Variants in CBR4 observed in about 807,000 individuals in gnomAD.
CBR4 encodes carbonyl reductase 4, also known as 3-oxoacyl-[acyl-carrier-protein] reductase.
Under a neutral mutation model 21.0 loss-of-function variants are expected in CBR4, and 22 were observed. The observed-to-expected ratio is 1.05, with a 90% CI of 0.75 to 1.50. CBR4 has a LOEUF of 1.50. Among genes scored for constraint, CBR4 ranks in the 40% most tolerant of loss-of-function variants. The probability of loss-of-function intolerance (pLI) is 0.00; values close to 1 mark genes in which losing one functional copy is unlikely to be tolerated. For missense variants in CBR4, 302 were observed against 286.3 expected (o/e 1.05, Z -0.40); for synonymous variants, 100 against 104.4 (o/e 0.96, Z 0.26).
downstream of CBR4, among the ~76,000 whole-genome samples, chr4:168,982,916 G>C (rs1764583780): frequency 6.6e-6 from 1 of 152,098 alleles, no homozygotes; most frequent in Non-Finnish European, 1.5e-5. Context: ...CACAGCTAAA[G>C]TAGTGTCAAA....
chr4:168,974,334 CTT>C (rs1764305397), intron 2 of CBR4, among the ~76,000 whole-genome samples: 1 of 152,192 alleles, frequency 6.6e-6, no homozygotes, highest in Non-Finnish European at 1.5e-5. Context: ...CTTCACAGCT[CTT>C]GAGATTCTTT....
chr4:169,010,143 G>A lies in CBR4; in HGVS notation c.-54C>T. On this transcript the variant is annotated 5_prime_UTR_variant, in exon 1 of 5. Coordinates refer to ENST00000306193, the MANE Select transcript of CBR4 (RefSeq NM_032783.5). Reference sequence around the variant, plus strand: ...GGTAGGGAGTGGGAGCCCCTCTCCAGGTTCCCTCAGGCTTTTAAACAACCG... The same window carrying A: ...GGTAGGGAGTGGGAGCCCCTCTCCAAGTTCCCTCAGGCTTTTAAACAACCG... 6.9e-7 allele frequency: 1 copy of A among 1,448,858 alleles called. No homozygotes were observed. 89.8% of individuals were successfully genotyped at this position (1,448,858 alleles called of 1,614,324 possible).
At position 168,930,012 on chromosome 4, in the gene CBR4, C is replaced by T. The variant is rs1234295680; in HGVS notation, n.170-35247G>A. ...AATTTCCTTCAATTATGAATGTAGG[C>T]AACAAAACACAACAGTATAAAATAC... is the stretch of plus-strand genomic sequence containing the variant. On this transcript the variant is annotated intron_variant and non_coding_transcript_variant, in intron 2 of 3. Coordinates refer to the CBR4 transcript ENST00000509108. 1.3e-5 allele frequency among the ~76,000 whole-genome samples: 2 copies of T among 152,028 alleles called. 1 individual carries two copies. The highest frequency in any genetic ancestry group is 4.1e-4 in the South Asian group (2 of 4,824).
At chr4:168,924,768 G>C (rs553514717) in intron 2 of CBR4, among the ~76,000 whole-genome samples, 2 of 152,182 alleles carry the variant, frequency 1.3e-5, no homozygotes, top group Non-Finnish European at 2.9e-5. Flanking sequence ...AACTCTTGAC[G>C]TCTGTTCTTT....
At chr4:168,995,916 G>A (rs1415744999) in intron 4 of CBR4, among the ~76,000 whole-genome samples, 1 of 152,170 alleles carries the variant, frequency 6.6e-6, no homozygotes, top group Admixed American at 6.5e-5. Context: ...TATAGTCTAT[G>A]TCTATGTTAG....
At chr4:168,917,983 G>A (rs1760559123) in intron 2 of CBR4, among the ~76,000 whole-genome samples, 1 of 151,860 alleles carries the variant, frequency 6.6e-6, no homozygotes, top group Admixed American at 6.6e-5. Context: ...GGCGGATCAC[G>A]AGGTCAGGAG....
At chr4:169,007,123 G>A (rs763737189) in intron 2 of CBR4, among the ~76,000 whole-genome samples, 17 of 152,274 alleles carry the variant, frequency 1.1e-4, no homozygotes, top group Non-Finnish European at 2.1e-4. Flanking sequence ...CTCAGCTTGA[G>A]TGGCAAATAT....
At chr4:168,977,308 C>T (rs1764402799) in intron 2 of CBR4, among the ~76,000 whole-genome samples, 3 of 152,142 alleles carry the variant, frequency 2.0e-5, no homozygotes, top group Admixed American at 2.0e-4. Flanking sequence ...TCAAGAACTC[C>T]TTCCTTCAAG....
chr4:169,008,152 T>G (rs1166719305), intron 1 of CBR4, among the ~76,000 whole-genome samples: 1 of 152,182 alleles, frequency 6.6e-6, no homozygotes, highest in Non-Finnish European at 1.5e-5. Context: ...AGGTTTTTGT[T>G]GAATTAGTTT....
chr4:168,990,086 G>T lies in CBR4; in HGVS notation c.*64C>A. On this transcript the variant is annotated 3_prime_UTR_variant, in exon 5 of 5. Coordinates refer to ENST00000306193, the MANE Select transcript of CBR4 (RefSeq NM_032783.5). The stretch of plus-strand genomic sequence containing the variant: ...ACATGTTACCCATGTAGGTATAATT[G>T]TCTAATCAGTAGCCAAAGTGTGCCC... The T allele has an allele frequency of 7.0e-7, 1 of 1,428,202 alleles. No individual in the cohort carries two copies. The highest frequency in any genetic ancestry group is 9.2e-7 in the Non-Finnish European group (1 of 1,083,530). The allele number at this position is 1,428,202 out of a possible 1,614,324, so 88.5% of individuals were successfully genotyped here.
intron 3 of CBR4, among the ~76,000 whole-genome samples, chr4:169,006,328 T>G (rs1440757662): frequency 6.6e-6 from 1 of 151,902 alleles, no homozygotes; most frequent in Non-Finnish European, 1.5e-5. Context: ...TAGTGTGACC[T>G]CGTCTCTATT....
chr4:168,915,905 A>G lies in CBR4; in HGVS notation n.170-21140T>C. ...CTTTCTTGTTTCAAGGCCTCGTTCT[A>G]GATCAAGGGACAGTGGAGACGAAAA... On this transcript the variant is annotated intron_variant and non_coding_transcript_variant, in intron 2 of 3. Coordinates refer to the CBR4 transcript ENST00000509108. 2 of 1,612,892 alleles carry G rather than the reference A, an allele frequency of 1.2e-6. No individual in the cohort carries two copies. Among genetic ancestry groups the G allele is most frequent in the Non-Finnish European group, 1.7e-6 (2 of 1,178,848 alleles).
At chr4:168,991,707 G>A (rs115062700) in intron 4 of CBR4, among the ~76,000 whole-genome samples, 2,083 of 152,032 alleles carry the variant, frequency 0.014, 29 homozygotes, top group Non-Finnish European at 0.02. Flanking sequence ...ATACAAATAC[G>A]TATTAATAAA....
Position 168,989,831 on chromosome 4 carries a change from G to A in CBR4, c.*319C>T, listed in dbSNP as rs1764823025. On this transcript the variant is annotated 3_prime_UTR_variant, in exon 5 of 5. Coordinates refer to ENST00000306193, the MANE Select transcript of CBR4 (RefSeq NM_032783.5). ...CTTTAGAAAACACAATTTGTCTGGG[G>A]GGATGATTGCACATGTATTTAAATA... The A allele has an allele frequency of 2.0e-6, 2 of 1,016,896 alleles. No homozygotes were observed. The highest frequency in any genetic ancestry group is 2.4e-6 in the Non-Finnish European group (2 of 851,032). The allele number at this position is 1,016,896 out of a possible 1,614,324, so 63.0% of individuals were successfully genotyped here. A position where few individuals can be genotyped will look rare whatever the true frequency, so the allele number is the denominator to read the frequency against.
chr4:169,008,740 G>C (rs1199568045), intron 1 of CBR4, among the ~76,000 whole-genome samples: 3 of 152,132 alleles, frequency 2.0e-5, no homozygotes, highest in Non-Finnish European at 4.4e-5. Context: ...AACACTGATG[G>C]CTTGGGGTGA....
chr4:168,900,638 T>C (rs1560886106), intron 2 of CBR4, among the ~76,000 whole-genome samples: 1 of 152,194 alleles, frequency 6.6e-6, no homozygotes, highest in Non-Finnish European at 1.5e-5. Context: ...TTCTTAAAAC[T>C]GAATCGCAAC....
intron 3 of CBR4, among the ~76,000 whole-genome samples, chr4:169,006,368 G>C (rs1438668939): frequency 3.3e-5 from 5 of 151,972 alleles, no homozygotes; most frequent in African/African-American, 9.7e-5. Flanking sequence ...ATAAAAATCA[G>C]AATGATCCAA....
At chr4:168,907,906 TA>T (rs897677901) in intron 2 of CBR4, among the ~76,000 whole-genome samples, 5 of 152,198 alleles carry the variant, frequency 3.3e-5, no homozygotes, top group African/African-American at 1.2e-4. Flanking sequence ...CACTACCTAT[TA>T]TAGTATTCCA....
At chr4:168,902,213 G>T (rs747447537) in intron 2 of CBR4, among the ~76,000 whole-genome samples, 12 of 152,180 alleles carry the variant, frequency 7.9e-5, no homozygotes, top group Non-Finnish European at 1.8e-4. Context: ...TTATATTAAG[G>T]AAGAAGTTTG....
Sources: gnomAD v4.1 joint callset for allele counts (sites outside exome capture counted in the v4.1 genomes callset) on GRCh38, gnomAD v4.1.1 for gene constraint, MANE v1.5 for transcripts, NCBI Gene and HGNC (gene_info 2026-07-23, HGNC 2026-07-21) for gene names.